Variants in CNTN5 observed in about 807,000 individuals in gnomAD.
CNTN5 encodes contactin-5.
In CNTN5, 77 loss-of-function variants were observed where a neutral mutation model predicts 129.1. The ratio of observed to expected loss-of-function variants is 0.60; its 90% CI spans 0.50 to 0.72. CNTN5 has a LOEUF of 0.72. CNTN5 is among the 30% of genes least tolerant of loss of function. CNTN5 has a pLI of 0.00. For missense variants in CNTN5, 1,478 were observed against 1,328.8 expected (o/e 1.11, Z -1.75); for synonymous variants, 509 against 465.6 (o/e 1.09, Z -1.20).
intron 9 of CNTN5, among the ~76,000 whole-genome samples, chr11:100,034,832 C>T (rs777741341): frequency 5.3e-5 from 8 of 152,164 alleles, no homozygotes; most frequent in Non-Finnish European, 7.3e-5. Context: ...AACACTTCAA[C>T]GTTTTCAGTA....
At chr11:100,198,038 TA>T (rs1258919987) in intron 15 of CNTN5, among the ~76,000 whole-genome samples, 1 of 151,886 alleles carries the variant, frequency 6.6e-6, no homozygotes, top group Non-Finnish European at 1.5e-5. Flanking sequence ...TAAATTGGGG[TA>T]ATAAGATTCA....
At chr11:99,520,480 T>G (rs1303762616) in intron 2 of CNTN5, among the ~76,000 whole-genome samples, 1 of 152,130 alleles carries the variant, frequency 6.6e-6, no homozygotes, top group African/African-American at 2.4e-5. Context: ...TTTCTTAAAC[T>G]TCTTATTAAA....
At chr11:100,186,429 C>T (rs766360988) in intron 13 of CNTN5, among the ~76,000 whole-genome samples, 3 of 151,986 alleles carry the variant, frequency 2.0e-5, no homozygotes, top group South Asian at 4.2e-4. Context: ...AAAATGGCCC[C>T]GAAATCAAGA....
chr11:100,010,148 A>G (rs1266301769), intron 9 of CNTN5, among the ~76,000 whole-genome samples: 1 of 152,176 alleles, frequency 6.6e-6, no homozygotes, highest in Non-Finnish European at 1.5e-5. Flanking sequence ...ATTTCATTTC[A>G]GTGGTTCTTT....
At chr11:99,872,713 G>A (rs973012440) in intron 6 of CNTN5, among the ~76,000 whole-genome samples, 5 of 152,044 alleles carry the variant, frequency 3.3e-5, no homozygotes, top group African/African-American at 9.7e-5. Flanking sequence ...AGCAGGTTGA[G>A]TCCTGAAAAA....
intron 23 of CNTN5, among the ~76,000 whole-genome samples, chr11:100,345,848 T>C (rs1235421919): frequency 6.6e-6 from 1 of 152,120 alleles, no homozygotes; most frequent in East Asian, 1.9e-4. Context: ...GATATCATAG[T>C]TTTCACTAAC....
chr11:99,908,256 T>A (rs1949563557), intron 6 of CNTN5, among the ~76,000 whole-genome samples: 2 of 151,968 alleles, frequency 1.3e-5, no homozygotes, highest in South Asian at 4.1e-4. Context: ...AGTAATTATA[T>A]AAGGAAATAT....
chr11:99,854,717 C>A (rs1054407825), intron 6 of CNTN5, among the ~76,000 whole-genome samples: 1 of 152,100 alleles, frequency 6.6e-6, no homozygotes, highest in Non-Finnish European at 1.5e-5. Flanking sequence ...AAATACCCAA[C>A]ATTTAAAAAT....
At chr11:99,591,966 A>G (rs997282613) in intron 3 of CNTN5, among the ~76,000 whole-genome samples, 1 of 152,226 alleles carries the variant, frequency 6.6e-6, no homozygotes, top group Non-Finnish European at 1.5e-5. Flanking sequence ...TTTTAAGAAT[A>G]TGGAAAGAAA....
chr11:99,418,668 G>T (rs1383405034), intron 2 of CNTN5, among the ~76,000 whole-genome samples: 1 of 152,152 alleles, frequency 6.6e-6, no homozygotes, highest in Non-Finnish European at 1.5e-5. Flanking sequence ...AAAAAGACTT[G>T]TTTGGGGTTT....
intron 15 of CNTN5, among the ~76,000 whole-genome samples, chr11:100,197,395 G>A (rs61908152): frequency 0.076 from 11,557 of 151,990 alleles, 443 homozygotes; most frequent in Non-Finnish European, 0.086. Flanking sequence ...GCAGGGATTG[G>A]CTAGTTTGTG....
chr11:99,637,227 A>C (rs1951596278), intron 3 of CNTN5, among the ~76,000 whole-genome samples: 1 of 151,752 alleles, frequency 6.6e-6, no homozygotes, highest in Non-Finnish European at 1.5e-5. Flanking sequence ...AACTTAAACC[A>C]TTAGCTATGA....
chr11:99,213,273 T>C (rs1042123336), intron 1 of CNTN5, among the ~76,000 whole-genome samples: 175 of 145,784 alleles, frequency 1.2e-3, no homozygotes, highest in African/African-American at 4.2e-3. Flanking sequence ...ATATAAAATA[T>C]ATATACATAT....
At chr11:99,207,087 A>G (rs1859524364) in intron 1 of CNTN5, among the ~76,000 whole-genome samples, 1 of 152,100 alleles carries the variant, frequency 6.6e-6, no homozygotes, top group South Asian at 2.1e-4. Context: ...ACTGTATTCT[A>G]ATTATTTTTA....
chr11:99,916,049 G>T lies in CNTN5; in HGVS notation c.578-5G>T. Reference sequence around the variant, plus strand: ...TTGGATCTAAATGTTTTATTATGTTGACAGATCTGGGAAATTTTAGTGGCC... The same window carrying T: ...TTGGATCTAAATGTTTTATTATGTTTACAGATCTGGGAAATTTTAGTGGCC... On this transcript the variant is annotated splice_polypyrimidine_tract_variant and splice_region_variant and intron_variant, in intron 6 of 24. Coordinates refer to ENST00000524871, the MANE Select transcript of CNTN5 (RefSeq NM_014361.4). 1 of 1,608,596 alleles carries T rather than the reference G, an allele frequency of 6.2e-7. No homozygotes were observed. Among genetic ancestry groups the T allele is most frequent in the Non-Finnish European group, 8.5e-7 (1 of 1,176,704 alleles).
At chr11:99,362,185 A>G (rs1939156933) in intron 2 of CNTN5, among the ~76,000 whole-genome samples, 1 of 151,984 alleles carries the variant, frequency 6.6e-6, no homozygotes, top group African/African-American at 2.4e-5. Flanking sequence ...GCTTATGGGT[A>G]TAAAGTGGGA....
At chr11:99,586,541 A>G (rs368433217) in intron 3 of CNTN5, among the ~76,000 whole-genome samples, 14 of 152,370 alleles carry the variant, frequency 9.2e-5, no homozygotes, top group African/African-American at 3.1e-4. Flanking sequence ...TTATACAGAT[A>G]AAATGAGATA....
chr11:99,683,445 T>C (rs1953648171), intron 3 of CNTN5, among the ~76,000 whole-genome samples: 1 of 151,934 alleles, frequency 6.6e-6, no homozygotes, highest in South Asian at 2.1e-4. Context: ...TAAGTGCACA[T>C]ATATGCAAAA....
chr11:99,705,519 TG>T, intron 3 of CNTN5, among the ~76,000 whole-genome samples: 1 of 151,436 alleles, frequency 6.6e-6, no homozygotes, highest in East Asian at 1.9e-4. Context: ...TGTACTTGGT[TG>T]GTTATTAGAA....
Sources: gnomAD v4.1 joint callset for allele counts (sites outside exome capture counted in the v4.1 genomes callset) on GRCh38, gnomAD v4.1.1 for gene constraint, MANE v1.5 for transcripts, NCBI Gene and HGNC (gene_info 2026-07-23, HGNC 2026-07-21) for gene names.